The following ATP8A2 variants were observed in gnomAD, a reference collection of about 807,000 sequenced individuals.
ATP8A2 encodes ATPase phospholipid transporting 8A2, also known as phospholipid-transporting ATPase IB.
ATP8A2 carries 100 observed loss-of-function variants against 165.6 expected under a neutral mutation model. That is an observed-to-expected ratio of 0.60 (90% CI 0.51 to 0.71). The LOEUF (loss-of-function observed/expected upper bound fraction) is 0.71, where lower values mean the gene tolerates loss of function less well. Among genes scored for constraint, ATP8A2 ranks in the 30% least tolerant of loss-of-function variants. The pLI, the probability that ATP8A2 is intolerant of heterozygous loss-of-function variation, is 0.00. For synonymous variants in ATP8A2, 543 were observed against 548.8 expected, an observed-to-expected ratio of 0.99 and a Z score of 0.15; for missense variants, 1,227 against 1,479.5, an observed-to-expected ratio of 0.83 and a Z score of 2.80.
intron 24 of ATP8A2, among the ~76,000 whole-genome samples, chr13:25,653,685 G>T (rs1251861754): frequency 1.3e-5 from 2 of 152,050 alleles, no homozygotes; most frequent in Non-Finnish European, 2.9e-5. Context: ...GCACACAATG[G>T]GTATTTAATA....
chr13:25,558,276 A>G lies in ATP8A2; in HGVS notation c.1264-697A>G, dbSNP rs78337000. ...TCCTGCTTACTTAAAGGCAGATTCTACTAAATTTTCCATACCCCTAGACTT... is the reference window on the plus strand; with the variant it reads ...TCCTGCTTACTTAAAGGCAGATTCTGCTAAATTTTCCATACCCCTAGACTT... On this transcript the variant is annotated intron_variant, in intron 13 of 36. Transcript: ENST00000381655. Among the ~76,000 whole-genome samples the G allele has an allele frequency of 6.6e-3, 1,002 of 152,314 alleles. 11 individuals are homozygous for G. Among genetic ancestry groups the G allele is most frequent in the African/African-American group, 0.023 (950 of 41,570 alleles).
intron 20 of ATP8A2, among the ~76,000 whole-genome samples, chr13:25,577,557 A>G (rs1170727915): frequency 6.6e-6 from 1 of 152,016 alleles, no homozygotes; most frequent in African/African-American, 2.4e-5. Flanking sequence ...TTTCTCATAC[A>G]TTATAGAGAG....
chr13:26,006,584 T>C (rs1293404159), intron 35 of ATP8A2, among the ~76,000 whole-genome samples: 2 of 152,052 alleles, frequency 1.3e-5, no homozygotes, highest in African/African-American at 4.8e-5. Context: ...CCTTGTCTTC[T>C]TCTTGAACAT....
chr13:25,862,877 A>G (rs1396399444), intron 33 of ATP8A2, among the ~76,000 whole-genome samples: 1 of 152,226 alleles, frequency 6.6e-6, no homozygotes, highest in African/African-American at 2.4e-5. Flanking sequence ...ATAAACCAGA[A>G]TCTCTCATTG....
At chr13:25,921,121 C>A (rs1300390552) in intron 33 of ATP8A2, among the ~76,000 whole-genome samples, 1 of 152,128 alleles carries the variant, frequency 6.6e-6, no homozygotes, top group Non-Finnish European at 1.5e-5. Flanking sequence ...ACTGTATCTT[C>A]CTTCCTTGTA....
intron 24 of ATP8A2, among the ~76,000 whole-genome samples, chr13:25,605,960 A>T (rs1015413802): frequency 1.3e-5 from 2 of 152,184 alleles, no homozygotes; most frequent in African/African-American, 4.8e-5. Context: ...ACGTATGTAC[A>T]TATAAATCCA....
chr13:25,889,145 A>G (rs1051048373), intron 33 of ATP8A2, among the ~76,000 whole-genome samples: 4 of 150,110 alleles, frequency 2.7e-5, no homozygotes, highest in Admixed American at 6.7e-5. Flanking sequence ...TTGTTTTACT[A>G]TTTTTGCTGT....
At chr13:25,771,750 G>A (rs975463691) in intron 26 of ATP8A2, among the ~76,000 whole-genome samples, 3 of 152,100 alleles carry the variant, frequency 2.0e-5, no homozygotes, top group African/African-American at 7.2e-5. Flanking sequence ...CCGATTAGGT[G>A]GGGATGCTGT....
intron 24 of ATP8A2, among the ~76,000 whole-genome samples, chr13:25,649,607 G>A (rs4640038): frequency 0.034 from 5,248 of 152,156 alleles, 158 homozygotes; most frequent in East Asian, 0.13. Context: ...TGCTGCATTG[G>A]TTGTCTCCCT....
intron 35 of ATP8A2, among the ~76,000 whole-genome samples, chr13:25,978,468 G>T (rs11616429): frequency 0.1 from 15,932 of 152,180 alleles, 893 homozygotes; most frequent in Admixed American, 0.14. Context: ...GATGTTATCT[G>T]GGAATAACCG....
chr13:25,701,178 T>C (rs2042943620), intron 25 of ATP8A2, among the ~76,000 whole-genome samples: 1 of 152,196 alleles, frequency 6.6e-6, no homozygotes, highest in Non-Finnish European at 1.5e-5. Context: ...AGCAAAATTA[T>C]TTTGACAAAG....
chr13:25,506,150 A>T (rs2137733084), intron 2 of ATP8A2, among the ~76,000 whole-genome samples: 1 of 152,346 alleles, frequency 6.6e-6, no homozygotes, highest in South Asian at 2.1e-4. Context: ...TTTCTCCTAG[A>T]TAATACCGAA....
At chr13:25,730,159 C>T (rs552642889) in intron 25 of ATP8A2, among the ~76,000 whole-genome samples, 3 of 152,152 alleles carry the variant, frequency 2.0e-5, no homozygotes, top group East Asian at 3.9e-4. Flanking sequence ...GGCATGGTGC[C>T]GTGTGCCTGT....
At chr13:25,597,733 G>A (rs1391986642) in intron 24 of ATP8A2, among the ~76,000 whole-genome samples, 1 of 152,148 alleles carries the variant, frequency 6.6e-6, no homozygotes, top group Non-Finnish European at 1.5e-5. Context: ...GCTGTGCATG[G>A]ATTTCTTATG....
At chr13:25,977,535 A>G (rs1341796842) in intron 35 of ATP8A2, among the ~76,000 whole-genome samples, 1 of 152,224 alleles carries the variant, frequency 6.6e-6, no homozygotes, top group African/African-American at 2.4e-5. Context: ...CAGGAAGTGA[A>G]ACACCTCATT....
chr13:25,731,966 T>C (rs1272424280), intron 25 of ATP8A2, among the ~76,000 whole-genome samples: 1 of 152,218 alleles, frequency 6.6e-6, no homozygotes, highest in Admixed American at 6.5e-5. Flanking sequence ...ACTGCTTCCA[T>C]AGGTGGGCAG....
chr13:25,769,975 C>T (rs2044583807), intron 26 of ATP8A2, among the ~76,000 whole-genome samples: 1 of 152,200 alleles, frequency 6.6e-6, no homozygotes, highest in African/African-American at 2.4e-5. Context: ...TAGCCAATTT[C>T]CTAACCCGTA....
intron 28 of ATP8A2, among the ~76,000 whole-genome samples, chr13:25,834,426 A>C (rs987801904): frequency 5.3e-5 from 8 of 152,290 alleles, no homozygotes; most frequent in African/African-American, 1.9e-4. Context: ...TAAAAGAAAA[A>C]GTCTGTATGT....
chr13:25,620,250 T>A (rs2040934823), intron 24 of ATP8A2, among the ~76,000 whole-genome samples: 1 of 152,146 alleles, frequency 6.6e-6, no homozygotes, highest in Non-Finnish European at 1.5e-5. Flanking sequence ...GGTACAGCAT[T>A]GCTTCCTCAG....
Sources: gnomAD v4.1 joint callset for allele counts (sites outside exome capture counted in the v4.1 genomes callset) on GRCh38, gnomAD v4.1.1 for gene constraint, MANE v1.5 for transcripts, NCBI Gene and HGNC (gene_info 2026-07-23, HGNC 2026-07-21) for gene names.